FGF13: variants seen among roughly 807,000 people sequenced by gnomAD.
FGF13 encodes fibroblast growth factor homologous factor 2.
In FGF13, 2 loss-of-function variants were observed where a neutral mutation model predicts 19.5. The ratio of observed to expected loss-of-function variants is 0.10; its 90% CI spans 0.04 to 0.32. FGF13 has a LOEUF of 0.32. Ranked by LOEUF, FGF13 falls within the 10% of genes least tolerant of loss-of-function variation. FGF13 has a pLI of 1.00. For missense variants in FGF13, 113 were observed against 192.7 expected (o/e 0.59, Z 2.45); for synonymous variants, 72 against 76.9 (o/e 0.94, Z 0.33).
chrX:139,202,248 G>A (rs1446105444), intron 1 of FGF13, among the ~76,000 whole-genome samples: 1 of 111,923 alleles, frequency 8.9e-6, no homozygotes, highest in Non-Finnish European at 1.9e-5. Flanking sequence ...AGGAACCAAA[G>A]TTCCAGAAAC....
In FGF13 at chrX:138,891,310, T is replaced by G. The variant is rs536490129; in HGVS notation, c.-112-26660A>C. On this transcript the variant is annotated intron_variant, in intron 1 of 2. Transcript: ENST00000421460. ...AAAAAACAGAAAAAAAAATTGTTCC[T>G]CACAGTTCTGGAGGCTGAATATCCA... is the stretch of plus-strand genomic sequence containing the variant. Among the ~76,000 whole-genome samples, 6 of 111,403 alleles carry G rather than the reference T, an allele frequency of 5.4e-5. No individual in the cohort carries two copies. The East Asian group carries it at 1.4e-3, about 26-fold the overall frequency.
chrX:139,006,712 ATTG>A (rs1218095845), intron 1 of FGF13, among the ~76,000 whole-genome samples: 3 of 112,169 alleles, frequency 2.7e-5, no homozygotes, highest in Admixed American at 9.4e-5. Flanking sequence ...GACGTGTAGA[ATTG>A]TTGTTACTTT....
chrX:138,772,379 G>T (rs1257825653), intron 3 of FGF13, among the ~76,000 whole-genome samples: 1 of 108,532 alleles, frequency 9.2e-6, no homozygotes, highest in African/African-American at 3.3e-5. Context: ...GTGCTTATGT[G>T]TTATGTCCCC....
At chrX:138,802,709 C>T (rs770546830) in intron 3 of FGF13, among the ~76,000 whole-genome samples, 2 of 111,359 alleles carry the variant, frequency 1.8e-5, no homozygotes, top group Admixed American at 1.9e-4. Flanking sequence ...TGCTCTTTGT[C>T]TTTTCCTTTC....
intron 1 of FGF13, among the ~76,000 whole-genome samples, chrX:139,200,386 T>C (rs758885654): frequency 6.2e-5 from 7 of 112,196 alleles, no homozygotes; most frequent in African/African-American, 2.3e-4. Context: ...CCTGTCCTTC[T>C]TCAGTAGGAT....
At chrX:138,652,085 A>G (rs1320852570) in intron 3 of FGF13, among the ~76,000 whole-genome samples, 2 of 111,473 alleles carry the variant, frequency 1.8e-5, no homozygotes, top group African/African-American at 6.5e-5. Flanking sequence ...GATCTTATGT[A>G]TCATTTGTCC....
intron 1 of FGF13, among the ~76,000 whole-genome samples, chrX:139,064,989 T>C (rs1032624742): frequency 4.5e-5 from 5 of 111,435 alleles, no homozygotes; most frequent in African/African-American, 1.6e-4. Context: ...GTATGCTTCA[T>C]GAAGTTCTCA....
intron 3 of FGF13, among the ~76,000 whole-genome samples, chrX:138,673,364 G>A (rs887178627): frequency 3.6e-5 from 4 of 110,659 alleles, no homozygotes; most frequent in East Asian, 2.9e-4. Context: ...TACGTAGCCC[G>A]CGGAAAAACT....
chrX:138,843,548 G>A (rs1181240419), intron 3 of FGF13, among the ~76,000 whole-genome samples: 1 of 111,867 alleles, frequency 8.9e-6, no homozygotes, highest in Non-Finnish European at 1.9e-5. Flanking sequence ...TTTTGGGAAT[G>A]CAGTATTTTC....
intron 1 of FGF13, among the ~76,000 whole-genome samples, chrX:138,731,725 G>A (rs915748951): frequency 2.7e-5 from 3 of 110,217 alleles, no homozygotes; most frequent in Admixed American, 9.7e-5. Flanking sequence ...AGATAATCAC[G>A]AAAGCCAAAA....
At chrX:139,007,061 AT>A (rs1236805091) in intron 1 of FGF13, among the ~76,000 whole-genome samples, 1 of 111,725 alleles carries the variant, frequency 9.0e-6, no homozygotes, top group Non-Finnish European at 1.9e-5. Context: ...GGCTGAATGG[AT>A]TTTAAAAAAC....
intron 1 of FGF13, among the ~76,000 whole-genome samples, chrX:139,163,303 A>G (rs919039434): frequency 6.3e-5 from 7 of 111,200 alleles, no homozygotes; most frequent in African/African-American, 2.3e-4. Flanking sequence ...CAGAAAACCA[A>G]ACACTGCATT....
intron 3 of FGF13, among the ~76,000 whole-genome samples, chrX:138,787,178 G>A (rs1475253600): frequency 8.9e-6 from 1 of 112,505 alleles, no homozygotes; most frequent in Non-Finnish European, 1.9e-5. Context: ...GAAATTAAAT[G>A]AGGAACGATT....
At chrX:138,780,006 T>G (rs1301967739) in intron 3 of FGF13, among the ~76,000 whole-genome samples, 1 of 101,276 alleles carries the variant, frequency 9.9e-6, no homozygotes, top group Non-Finnish European at 2.0e-5. Context: ...TGGGGGCCAA[T>G]ATTCAACATT....
At chrX:138,852,361 A>G (rs1172969543) in intron 3 of FGF13, among the ~76,000 whole-genome samples, 2 of 111,708 alleles carry the variant, frequency 1.8e-5, no homozygotes, top group Non-Finnish European at 3.8e-5. Context: ...GCAGACACAT[A>G]CAACAATGGA....
chrX:138,730,298 C>T (rs992524354), intron 1 of FGF13, among the ~76,000 whole-genome samples: 10 of 110,885 alleles, frequency 9.0e-5, no homozygotes, highest in Non-Finnish European at 1.5e-4. Flanking sequence ...AACAAACCTG[C>T]ACGTTGTGCA....
chrX:138,998,776 C>T (rs771525604), intron 1 of FGF13, among the ~76,000 whole-genome samples: 4 of 111,346 alleles, frequency 3.6e-5, no homozygotes, highest in South Asian at 7.6e-4. Flanking sequence ...GACAGATCAA[C>T]GAGACAGAAA....
chrX:138,751,472 T>C (rs2090397093), intron 3 of FGF13, among the ~76,000 whole-genome samples: 1 of 111,731 alleles, frequency 9.0e-6, no homozygotes, highest in Non-Finnish European at 1.9e-5. Flanking sequence ...AGTTACTACA[T>C]AAGATGTCAC....
chrX:138,680,894 G>A (rs927289619), intron 3 of FGF13, among the ~76,000 whole-genome samples: 1 of 110,916 alleles, frequency 9.0e-6, no homozygotes, highest in Non-Finnish European at 1.9e-5. Context: ...CTGTATGGCC[G>A]AGCGTGGTGG....
Sources: gnomAD v4.1 joint callset for allele counts (sites outside exome capture counted in the v4.1 genomes callset) on GRCh38, gnomAD v4.1.1 for gene constraint, MANE v1.5 for transcripts, NCBI Gene and HGNC (gene_info 2026-07-23, HGNC 2026-07-21) for gene names.